POFUT3: variants seen among roughly 807,000 people sequenced by gnomAD.
The protein encoded by POFUT3 is protein O-fucosyltransferase 3.
At chr8:33,329,342 A>G in the POFUT3 span, among the ~76,000 whole-genome samples, 1 of 152,248 alleles carries the variant, frequency 6.6e-6, no homozygotes, top group Non-Finnish European at 1.5e-5. Flanking sequence ...AGAGTAAGTG[A>G]TTATTTTCAA....
chr8:33,445,637 G>T, the POFUT3 span, among the ~76,000 whole-genome samples: 1 of 152,080 alleles, frequency 6.6e-6, no homozygotes, highest in Non-Finnish European at 1.5e-5. Flanking sequence ...CTGGCAAATG[G>T]TGACCCTCCA....
the POFUT3 span, among the ~76,000 whole-genome samples, chr8:33,394,723 T>C: frequency 6.6e-6 from 1 of 151,434 alleles, no homozygotes; most frequent in African/African-American, 2.4e-5. Flanking sequence ...CCAATGCTCA[T>C]ATAAATCCAT....
the POFUT3 span, among the ~76,000 whole-genome samples, chr8:33,324,790 G>A: frequency 6.7e-6 from 1 of 149,068 alleles, no homozygotes. Context: ...AGATGAATTT[G>A]GAAGTCATAG....
the POFUT3 span, among the ~76,000 whole-genome samples, chr8:33,342,467 TA>T: frequency 0.079 from 10,374 of 132,026 alleles, 1,046 homozygotes; most frequent in African/African-American, 0.25. Context: ...AACTTAACAG[TA>T]AAAAAAAAAA....
At chr8:33,353,971 C>T in the POFUT3 span, among the ~76,000 whole-genome samples, 1 of 152,118 alleles carries the variant, frequency 6.6e-6, no homozygotes, top group African/African-American at 2.4e-5. Context: ...TTCTGCTTCA[C>T]CAACTTAACA....
the POFUT3 span, among the ~76,000 whole-genome samples, chr8:33,385,060 C>T: frequency 2.6e-5 from 4 of 152,172 alleles, no homozygotes. Flanking sequence ...ACAATACTCT[C>T]TGGGTTTAAG....
At chr8:33,370,885 TTTAATA>T in the POFUT3 span, 3 of 152,198 alleles carry the variant, frequency 2.0e-5, no homozygotes, top group Non-Finnish European at 4.4e-5. Context: ...TCTTTATTTC[TTTAATA>T]TTATCAAATA....
chr8:33,363,115 T>C, the POFUT3 span, among the ~76,000 whole-genome samples: 1 of 152,158 alleles, frequency 6.6e-6, no homozygotes, highest in African/African-American at 2.4e-5. Flanking sequence ...ATTAAGAAAC[T>C]CACTCAAAAC....
chr8:33,388,793 G>C, the POFUT3 span: 1 of 625,494 alleles, frequency 1.6e-6, no homozygotes, highest in Non-Finnish European at 2.8e-6. Flanking sequence ...TAAACTTTAC[G>C]ACAGTCCCAA....
chr8:33,455,170 A>G, the POFUT3 span, among the ~76,000 whole-genome samples: 2 of 152,194 alleles, frequency 1.3e-5, no homozygotes, highest in African/African-American at 4.8e-5. Flanking sequence ...AATTCCCTAG[A>G]GTCTATGTTA....
chr8:33,460,845 T>C, the POFUT3 span: 4 of 581,054 alleles, frequency 6.9e-6, no homozygotes, highest in East Asian at 1.4e-4. Context: ...GGAGGTATTT[T>C]CTCCCAGTAG....
At chr8:33,379,343 A>T in the POFUT3 span, among the ~76,000 whole-genome samples, 1 of 152,034 alleles carries the variant, frequency 6.6e-6, no homozygotes, top group Non-Finnish European at 1.5e-5. Flanking sequence ...TGCCATACAT[A>T]AACATTGATC....
At chr8:33,372,875 A>G in the POFUT3 span, 1 of 1,402,698 alleles carries the variant, frequency 7.1e-7, no homozygotes, top group Non-Finnish European at 9.8e-7. Context: ...AAAGCAACAG[A>G]CTTTCCTTAA....
the POFUT3 span, chr8:33,453,329 G>T: frequency 6.2e-7 from 1 of 1,614,076 alleles, no homozygotes; most frequent in East Asian, 2.2e-5. Flanking sequence ...CGTCAGCGGG[G>T]ACCACCAGAG....
At chr8:33,363,044 A>G in the POFUT3 span, among the ~76,000 whole-genome samples, 4 of 152,230 alleles carry the variant, frequency 2.6e-5, no homozygotes, top group South Asian at 8.3e-4. Context: ...GCAAATGTAA[A>G]AGAACAGAAA....
chr8:33,417,672 G>A, the POFUT3 span, among the ~76,000 whole-genome samples: 1 of 152,110 alleles, frequency 6.6e-6, no homozygotes, highest in Non-Finnish European at 1.5e-5. Context: ...GAGGAGGGGT[G>A]GGGGCTTCAA....
chr8:33,472,513 G>A, the POFUT3 span, among the ~76,000 whole-genome samples: 1 of 152,242 alleles, frequency 6.6e-6, no homozygotes, highest in Non-Finnish European at 1.5e-5. Context: ...GGTTGCCGGT[G>A]CTTTCCTGGG....
At chr8:33,463,849 G>A in the POFUT3 span, among the ~76,000 whole-genome samples, 1 of 152,146 alleles carries the variant, frequency 6.6e-6, no homozygotes, top group Admixed American at 6.6e-5. Flanking sequence ...ACCGTGCACG[G>A]CCTTACTTTT....
At chr8:33,372,647 A>G in the POFUT3 span, 1 of 1,614,022 alleles carries the variant, frequency 6.2e-7, no homozygotes, top group Non-Finnish European at 8.5e-7. Context: ...CAGCCACCTT[A>G]GTGCCTGGGC....
Sources: allele counts gnomAD v4.1 joint callset (sites outside exome capture counted in the v4.1 genomes callset), GRCh38; gene constraint gnomAD v4.1.1; transcripts MANE v1.5; gene names NCBI Gene and HGNC (gene_info 2026-07-23, HGNC 2026-07-21).